ROCK1: variants seen among roughly 807,000 people sequenced by gnomAD.
The protein encoded by ROCK1 is Rho associated coiled-coil containing protein kinase 1.
A neutral mutation model predicts 196.8 loss-of-function variants in ROCK1; 36 were observed. The ratio of observed to expected loss-of-function variants is 0.18; its 90% confidence interval spans 0.14 to 0.24. The LOEUF is 0.24. ROCK1 is among the 10% of genes least tolerant of loss of function. The pLI, the probability that ROCK1 is intolerant of heterozygous loss-of-function variation, is 1.00. For synonymous variants in ROCK1, 443 were observed against 515.9 expected (o/e 0.86, Z 1.91); for missense variants, 920 against 1,562.0 (o/e 0.59, Z 6.93).
intron 2 of ROCK1, among the ~76,000 whole-genome samples, chr18:21,055,863 T>C (rs762092789): frequency 8.7e-4 from 132 of 152,236 alleles, no homozygotes; most frequent in Non-Finnish European, 4.6e-4. Context: ...AGGTCGGCTC[T>C]TACCTTTCTT....
chr18:20,977,375 T>G (rs533369505), intron 22 of ROCK1, among the ~76,000 whole-genome samples: 1 of 152,194 alleles, frequency 6.6e-6, no homozygotes, highest in Non-Finnish European at 1.5e-5. Flanking sequence ...AACTAACCAT[T>G]TGCTGTTCCT....
chr18:21,044,409 C>T (rs756763529), intron 5 of ROCK1, among the ~76,000 whole-genome samples: 1 of 152,076 alleles, frequency 6.6e-6, no homozygotes, highest in Non-Finnish European at 1.5e-5. Flanking sequence ...TTAAAAGTTT[C>T]ATTCTTTCAG....
chr18:21,001,073 A>G (rs1321130918), intron 16 of ROCK1, among the ~76,000 whole-genome samples: 1 of 152,256 alleles, frequency 6.6e-6, no homozygotes. Context: ...TGGTAAATAC[A>G]TATAACAGAA....
At position 21,055,471 on chromosome 18, in the gene ROCK1, A is replaced by G. The variant is rs1268031978; in HGVS notation, c.176-5591T>C. ...ATCAGAAGAAAACTACCACTGACTTACCACCACTTACACACTTAACTATCA... is the reference window on the plus strand; with the variant it reads ...ATCAGAAGAAAACTACCACTGACTTGCCACCACTTACACACTTAACTATCA... On this transcript the variant is annotated intron_variant, in intron 2 of 32. Transcript: ENST00000399799. 2.0e-5 allele frequency among the ~76,000 whole-genome samples: 3 copies of G among 152,148 alleles called. No homozygotes were observed. The East Asian group carries it at 5.8e-4, about 29-fold the overall frequency.
At chr18:21,098,966 C>G (rs1249117533) in intron 1 of ROCK1, among the ~76,000 whole-genome samples, 1 of 152,148 alleles carries the variant, frequency 6.6e-6, no homozygotes, top group Non-Finnish European at 1.5e-5. Flanking sequence ...AACAGACAAT[C>G]CCATATCATT....
At chr18:21,048,964 A>G (rs1221355102) in intron 4 of ROCK1, 128 bp downstream of exon 4, 17 of 694,466 alleles carry the variant, frequency 2.4e-5, no homozygotes, top group Non-Finnish European at 3.4e-5. Flanking sequence ...TAAGATTTAA[A>G]AGGTAATTAG....
intron 16 of ROCK1, among the ~76,000 whole-genome samples, chr18:21,004,227 TA>T (rs1283943104): frequency 1.3e-5 from 2 of 151,710 alleles, no homozygotes; most frequent in Admixed American, 1.3e-4. Context: ...AAGTAAAAAA[TA>T]AAAAAGACTA....
intron 20 of ROCK1, 74 bp downstream of exon 20, chr18:20,984,277 G>T: frequency 8.8e-7 from 1 of 1,140,382 alleles, no homozygotes; most frequent in Non-Finnish European, 1.3e-6. Context: ...CTGTACATAT[G>T]TAAAATGTCA....
rs562230229 is a variant in ROCK1 at position 21,049,455 on chromosome 18, A to T, written c.277-226T>A. Among the ~76,000 whole-genome samples the T allele has an allele frequency of 3.3e-5, 5 of 152,344 alleles. No individual in the cohort carries two copies. In the East Asian group the frequency reaches 9.6e-4, roughly 29 times the overall value. Reference sequence around the variant, plus strand: ...AAAAATTTTTATTTCCTATATTACAAGACACTTTCCCCCCTCCACACGGCT... The same window carrying T: ...AAAAATTTTTATTTCCTATATTACATGACACTTTCCCCCCTCCACACGGCT... On this transcript the variant is annotated intron_variant, in intron 3 of 32. Coordinates refer to ENST00000399799, the MANE Select transcript of ROCK1 (RefSeq NM_005406.3).
chr18:20,996,488 G>A (rs1380661439), intron 16 of ROCK1, among the ~76,000 whole-genome samples: 1 of 152,014 alleles, frequency 6.6e-6, no homozygotes, highest in Non-Finnish European at 1.5e-5. Flanking sequence ...GAGAGATAGG[G>A]GTAGAAAGTT....
At chr18:21,078,217 C>T (rs2036450595) in intron 1 of ROCK1, among the ~76,000 whole-genome samples, 1 of 151,878 alleles carries the variant, frequency 6.6e-6, no homozygotes, top group South Asian at 2.1e-4. Flanking sequence ...TGGTCCCAAC[C>T]GTTTGGGGGG....
At chr18:20,984,286 C>G in intron 20 of ROCK1, 65 bp downstream of exon 20, 1 of 1,233,054 alleles carries the variant, frequency 8.1e-7, no homozygotes, top group Non-Finnish European at 1.2e-6. Context: ...TGTAAAATGT[C>G]AAACACACAA....
chr18:21,076,823 G>C (rs1179744895), intron 1 of ROCK1, among the ~76,000 whole-genome samples: 1 of 152,146 alleles, frequency 6.6e-6, no homozygotes. Flanking sequence ...AAGCAGGTCT[G>C]CAATAGTTCT....
intron 18 of ROCK1, among the ~76,000 whole-genome samples, chr18:20,990,451 C>T (rs138576921): frequency 4.5e-4 from 68 of 151,760 alleles, no homozygotes; most frequent in Non-Finnish European, 6.8e-4. Flanking sequence ...GTGTTTCATG[C>T]CTGTAATCCC....
intron 9 of ROCK1, among the ~76,000 whole-genome samples, chr18:21,032,626 T>C (rs1189445766): frequency 6.6e-6 from 1 of 150,934 alleles, no homozygotes; most frequent in Non-Finnish European, 1.5e-5. Context: ...GTTCAAGTGA[T>C]TCTCTGCCTC....
At position 20,947,131 on chromosome 18, in the gene ROCK1, T is replaced by TATTTGGCAAAAGACA. The variant is rs1165690981; in HGVS notation, c.*4252_*4253insTGTCTTTTGCCAAAT. 2.0e-5 allele frequency: 3 copies of TATTTGGCAAAAGACA among 152,258 alleles called. No individual in the cohort carries two copies. Among genetic ancestry groups the TATTTGGCAAAAGACA allele is most frequent in the Admixed American group, 6.5e-5 (1 of 15,278 alleles). The allele number at this position is 152,258 out of a possible 1,614,324, so 9.4% of individuals were successfully genotyped here. A position where few individuals can be genotyped will look rare whatever the true frequency, so the allele number is the denominator to read the frequency against. Reference sequence around the variant, plus strand: ...ATCTTAATTCTCATAAGACAATTCATTAACATTTGGCAAAAGAAAGGAGAT... The same window carrying TATTTGGCAAAAGACA: ...ATCTTAATTCTCATAAGACAATTCATATTTGGCAAAAGACATAACATTTGGCAAAAGAAAGGAGAT... On this transcript the variant is annotated 3_prime_UTR_variant, in exon 33 of 33. Transcript: ENST00000399799.
At position 21,008,093 on chromosome 18, in the gene ROCK1, C is replaced by T. The variant is rs758107721; in HGVS notation, c.1512G>A (p.Gln504=). The stretch of plus-strand genomic sequence containing the variant: ...CTACATTTCTTCTCTTCTCATTTTC[C>T]TGTTCAGCTTTTCTTTGGTACTCAT... ...RINEYQRKAE[Q]ENEKRRNVEN... The change falls in exon 14 of 33, where the codon CAG becomes CAA. Residue 504 remains glutamine (Q), a synonymous_variant. Coordinates refer to ENST00000399799, the MANE Select transcript of ROCK1 (RefSeq NM_005406.3). 1 of 1,602,240 alleles carries T rather than the reference C, an allele frequency of 6.2e-7. No individual in the cohort carries two copies. The highest frequency in any genetic ancestry group is 8.5e-7 in the Non-Finnish European group (1 of 1,174,718).
chr18:20,995,660 G>T (rs2035664488), intron 16 of ROCK1, among the ~76,000 whole-genome samples: 1 of 152,116 alleles, frequency 6.6e-6, no homozygotes, highest in Non-Finnish European at 1.5e-5. Context: ...GGCTACAAGG[G>T]TGATTGTGTA....
At chr18:20,971,776 T>C (rs2035431361) in intron 22 of ROCK1, among the ~76,000 whole-genome samples, 1 of 151,602 alleles carries the variant, frequency 6.6e-6, no homozygotes, top group African/African-American at 2.4e-5. Flanking sequence ...AGTGGGGCCG[T>C]ACAGGCAATT....
Sources: allele counts gnomAD v4.1 joint callset (sites outside exome capture counted in the v4.1 genomes callset), GRCh38; gene constraint gnomAD v4.1.1; transcripts MANE v1.5; gene names NCBI Gene and HGNC (gene_info 2026-07-23, HGNC 2026-07-21).